Variants in OXCT1 observed in about 807,000 individuals in gnomAD.
OXCT1 encodes succinyl-CoA:3-ketoacid coenzyme A transferase 1, mitochondrial.
In OXCT1, 27 loss-of-function variants were observed where a neutral mutation model predicts 69.6. The observed-to-expected ratio is 0.39, with a 90% CI of 0.29 to 0.54. OXCT1 has a LOEUF of 0.54. OXCT1 is among the 20% of genes least tolerant of loss of function. OXCT1 has a pLI of 0.72. For missense variants in OXCT1, 437 were observed against 650.2 expected (o/e 0.67, Z 3.57); for synonymous variants, 202 against 217.8 (o/e 0.93, Z 0.64).
chr5:41,869,694 A>C (rs984073859), intron 1 of OXCT1, among the ~76,000 whole-genome samples: 2 of 152,156 alleles, frequency 1.3e-5, no homozygotes, highest in African/African-American at 2.4e-5. Flanking sequence ...CGAGCGCTCC[A>C]GTCTACGGGG....
intron 1 of OXCT1, among the ~76,000 whole-genome samples, chr5:41,869,498 CG>C (rs1750174531): frequency 6.6e-6 from 1 of 152,178 alleles, no homozygotes; most frequent in African/African-American, 2.4e-5. Context: ...GGAATGCCTC[CG>C]GATACCACTC....
intron 11 of OXCT1, among the ~76,000 whole-genome samples, chr5:41,800,109 CA>C (rs1336278800): frequency 2.6e-5 from 4 of 152,088 alleles, no homozygotes; most frequent in African/African-American, 9.6e-5. Flanking sequence ...TGAAGATGGC[CA>C]AAAGACCTGA....
intron 9 of OXCT1, among the ~76,000 whole-genome samples, chr5:41,804,835 C>T (rs1204825264): frequency 6.6e-6 from 1 of 152,018 alleles, no homozygotes; most frequent in African/African-American, 2.4e-5. Flanking sequence ...TTCTTTCTGT[C>T]CTAGGTCTTT....
chr5:41,834,719 A>G (rs1277691337), intron 7 of OXCT1, among the ~76,000 whole-genome samples: 5 of 152,134 alleles, frequency 3.3e-5, no homozygotes, highest in Non-Finnish European at 7.4e-5. Context: ...TTAAAATACA[A>G]CAGCTGGAGA....
intron 14 of OXCT1, among the ~76,000 whole-genome samples, chr5:41,760,059 T>A (rs1744273541): frequency 6.6e-6 from 1 of 152,070 alleles, no homozygotes; most frequent in Non-Finnish European, 1.5e-5. Context: ...CTTCCCTACC[T>A]CTTTTCCAGC....
Position 41,842,795 on chromosome 5 carries a change from A to G in OXCT1, c.565-14T>C, listed in dbSNP as rs1748698995. 2.6e-6 allele frequency: 4 copies of G among 1,524,778 alleles called. No individual in the cohort carries two copies. The East Asian group carries it at 9.0e-5, about 34-fold the overall frequency. 94.5% of individuals were successfully genotyped at this position (1,524,778 alleles called of 1,614,324 possible). A position where few individuals can be genotyped will look rare whatever the true frequency, so the allele number is the denominator to read the frequency against. The stretch of plus-strand genomic sequence containing the variant: ...GAACTCCCTCACCTGCAGAAGAGGG[A>G]GAAGGCATCATCAGGTATTTGCATA... On this transcript the variant is annotated splice_polypyrimidine_tract_variant and intron_variant, in intron 5 of 16. Transcript: ENST00000196371.
chr5:41,830,553 G>C (rs1198421802), intron 7 of OXCT1, among the ~76,000 whole-genome samples: 1 of 152,184 alleles, frequency 6.6e-6, no homozygotes, highest in Non-Finnish European at 1.5e-5. Flanking sequence ...TGACATTTCA[G>C]CCAAGTTCTT....
chr5:41,807,573 A>G, intron 7 of OXCT1, 135 bp from the exon 8 acceptor site: 1 of 652,550 alleles, frequency 1.5e-6, no homozygotes, highest in East Asian at 2.8e-5. Flanking sequence ...ATATCTATGT[A>G]TGTATATGTA....
At position 41,850,048 on chromosome 5, in the gene OXCT1, A is replaced by C; in HGVS notation, c.546T>G (p.Ile182Met). ...TTCTTACCTCTCTTGGCTTACTGGCAATGGCAACACTGCCATCTTTGTTGT... is the reference window on the plus strand; with the variant it reads ...TTCTTACCTCTCTTGGCTTACTGGCCATGGCAACACTGCCATCTTTGTTGT... ...IKYNKDGSVA[I>M]ASKPREVREF... The change falls in exon 5 of 17, where the codon ATT (isoleucine) becomes ATG (methionine). Residue 182 changes from isoleucine (I) to methionine (M), a missense_variant. By Grantham distance (10) the Ile-to-Met change is conservative. Coordinates refer to ENST00000196371, the MANE Select transcript of OXCT1 (RefSeq NM_000436.4). 6.2e-7 allele frequency: 1 copy of C among 1,613,936 alleles called. No homozygotes were observed.
At chr5:41,772,311 C>T (rs970395050) in intron 13 of OXCT1, among the ~76,000 whole-genome samples, 2 of 150,614 alleles carry the variant, frequency 1.3e-5, no homozygotes, top group African/African-American at 4.9e-5. Flanking sequence ...CACAATTAGA[C>T]TTAATGTAAT....
Position 41,870,425 on chromosome 5 carries a change from C to A in OXCT1, c.-67G>T. 8.1e-7 allele frequency: 1 copy of A among 1,230,638 alleles called. No individual in the cohort carries two copies. Among genetic ancestry groups the A allele is most frequent in the Admixed American group, 1.8e-5 (1 of 56,670 alleles). 76.2% of individuals were successfully genotyped at this position (1,230,638 alleles called of 1,614,324 possible). A position where few individuals can be genotyped will look rare whatever the true frequency, so the allele number is the denominator to read the frequency against. On this transcript the variant is annotated 5_prime_UTR_variant, in exon 1 of 17. Coordinates refer to ENST00000196371, the MANE Select transcript of OXCT1 (RefSeq NM_000436.4). This position sits in a 1 kb window ranked among gnomAD's most constrained non-coding sequence, Gnocchi z 4.2. Reference sequence around the variant, plus strand: ...GCGTTTGAGCGTCGGTGCGCGACTGCGAAGGAAACCCGGGCGGGCTGGAGG... The same window carrying A: ...GCGTTTGAGCGTCGGTGCGCGACTGAGAAGGAAACCCGGGCGGGCTGGAGG...
chr5:41,763,070 A>G (rs377029335), intron 13 of OXCT1, among the ~76,000 whole-genome samples: 5 of 152,246 alleles, frequency 3.3e-5, no homozygotes, highest in African/African-American at 1.2e-4. Flanking sequence ...CTGATTTGCC[A>G]GTAAAGTCTT....
At chr5:41,739,625 G>T in intron 15 of OXCT1, 134 bp from the exon 16 acceptor site, 1 of 670,164 alleles carries the variant, frequency 1.5e-6, no homozygotes, top group Non-Finnish European at 2.7e-6. Flanking sequence ...CAGCATTTTG[G>T]TAGGCTTAGG....
chr5:41,844,754 C>A (rs1184286829), intron 5 of OXCT1, among the ~76,000 whole-genome samples: 1 of 151,906 alleles, frequency 6.6e-6, no homozygotes, highest in East Asian at 1.9e-4. Flanking sequence ...GTATGCTTGA[C>A]TCCTCTTACA....
intron 7 of OXCT1, among the ~76,000 whole-genome samples, chr5:41,834,810 T>A (rs1561115201): frequency 6.6e-6 from 1 of 151,996 alleles, no homozygotes. Context: ...CACTACAGAA[T>A]GAACCTAATA....
intron 14 of OXCT1, among the ~76,000 whole-genome samples, chr5:41,758,866 C>G (rs1312538016): frequency 6.6e-6 from 1 of 151,978 alleles, no homozygotes; most frequent in African/African-American, 2.4e-5. Context: ...CCCACTGACC[C>G]AAACTTGGTA....
intron 11 of OXCT1, among the ~76,000 whole-genome samples, chr5:41,800,547 C>T (rs1746374181): frequency 6.6e-6 from 1 of 151,370 alleles, no homozygotes; most frequent in Non-Finnish European, 1.5e-5. Context: ...TACCAAAGGC[C>T]ACAGTTCCTA....
intron 16 of OXCT1, among the ~76,000 whole-genome samples, chr5:41,732,119 C>T (rs1050892242): frequency 6.6e-6 from 1 of 152,168 alleles, no homozygotes; most frequent in East Asian, 1.9e-4. Context: ...TCTGAGACTT[C>T]ACTTAAGACG....
At chr5:41,804,558 A>G (rs1746579215) in intron 9 of OXCT1, among the ~76,000 whole-genome samples, 1 of 152,112 alleles carries the variant, frequency 6.6e-6, no homozygotes, top group South Asian at 2.1e-4. Flanking sequence ...TGAGAAGTCC[A>G]GTGACCAACT....
Sources: allele counts gnomAD v4.1 joint callset (sites outside exome capture counted in the v4.1 genomes callset), GRCh38; gene constraint gnomAD v4.1.1; non-coding constraint Gnocchi (gnomAD v3.1); transcripts MANE v1.5; gene names NCBI Gene and HGNC (gene_info 2026-07-23, HGNC 2026-07-21).